The following TAF2 variants were observed in gnomAD, a reference collection of about 807,000 sequenced individuals.
TAF2 encodes the protein transcription initiation factor TFIID subunit 2.
In TAF2, 61 loss-of-function variants were observed where a neutral mutation model predicts 138.5. The ratio of observed to expected loss-of-function variants is 0.44; its 90% CI spans 0.36 to 0.54. The LOEUF is 0.54. Ranked by LOEUF, TAF2 falls within the 20% of genes least tolerant of loss-of-function variation. The probability of loss-of-function intolerance (pLI) is 0.00; values close to 1 mark genes in which losing one functional copy is unlikely to be tolerated. For missense variants in TAF2, 1,090 were observed against 1,427.9 expected (o/e 0.76, Z 3.81); for synonymous variants, 475 against 469.9 (o/e 1.01, Z -0.14).
At position 119,772,528 on chromosome 8, in the gene TAF2, C is replaced by G. The variant is rs1821916338; in HGVS notation, c.2364+5491G>C. On this transcript the variant is annotated intron_variant, in intron 18 of 25. Transcript: ENST00000378164. ...GGTTACTACTCGGGTAATGGGTACA[C>G]TAGAAGTCCAAACCCAACTGTTAGG... Among the ~76,000 whole-genome samples, 3 of 152,132 alleles carry G rather than the reference C, an allele frequency of 2.0e-5. No homozygotes were observed. The South Asian group carries it at 6.2e-4, about 31-fold the overall frequency.
chr8:119,791,420 A>ATG lies in TAF2; in HGVS notation c.1315_1316dup (p.Thr440IlefsTer18), dbSNP rs1296648916. 6.2e-7 allele frequency: 1 copy of ATG among 1,613,822 alleles called. No individual in the cohort carries two copies. ...TACTGTAGTATTCCCAGGACAGTGT[A>ATG]TGTGGATGCTTTATTGAAAAGTGTA... On this transcript the variant is annotated frameshift_variant, in exon 11 of 26. Transcript: ENST00000378164. LOFTEE classifies it high-confidence loss of function.
chr8:119,791,729 C>G (rs182406889), intron 10 of TAF2: 79 of 366,626 alleles, frequency 2.2e-4, no homozygotes, highest in Admixed American at 4.2e-4. Context: ...CCATTCTCCC[C>G]AAATCCATCA....
intron 25 of TAF2, among the ~76,000 whole-genome samples, chr8:119,741,247 T>C (rs1348241508): frequency 6.6e-6 from 1 of 152,230 alleles, no homozygotes; most frequent in African/African-American, 2.4e-5. Context: ...AAATGTATTC[T>C]GACTCTTTTT....
chr8:119,785,050 A>G (rs1822921115), intron 15 of TAF2, 151 bp downstream of exon 15: 1 of 618,416 alleles, frequency 1.6e-6, no homozygotes, highest in East Asian at 3.0e-5. Context: ...GATTTTACAT[A>G]AACTGTTTTA....
chr8:119,768,731 C>T (rs1026140564), intron 18 of TAF2, among the ~76,000 whole-genome samples: 2 of 152,222 alleles, frequency 1.3e-5, no homozygotes, highest in African/African-American at 2.4e-5. Context: ...TGACACCCAC[C>T]TGCATGTGCC....
At chr8:119,791,695 G>A (rs1823441024) in intron 10 of TAF2, 1 of 447,992 alleles carries the variant, frequency 2.2e-6, no homozygotes, top group Non-Finnish European at 4.1e-6. Flanking sequence ...TCCTAGATGG[G>A]AAGATACAAT....
chr8:119,812,318 C>T (rs999933648), intron 3 of TAF2, among the ~76,000 whole-genome samples: 1 of 148,352 alleles, frequency 6.7e-6, no homozygotes. Flanking sequence ...AATGTGATTG[C>T]TGCCTCATTT....
intron 3 of TAF2, among the ~76,000 whole-genome samples, chr8:119,809,261 C>T (rs1470599280): frequency 6.6e-6 from 1 of 152,174 alleles, no homozygotes; most frequent in Non-Finnish European, 1.5e-5. Flanking sequence ...CCTCATGAAC[C>T]AGCCTCTCTT....
At chr8:119,761,427 CTGT>C (rs1480243690) in intron 19 of TAF2, among the ~76,000 whole-genome samples, 10 of 152,104 alleles carry the variant, frequency 6.6e-5, no homozygotes, top group Admixed American at 5.9e-4. Context: ...GAACATATCC[CTGT>C]TGTTAAGTGA....
At chr8:119,747,800 A>G (rs1050986050) in intron 22 of TAF2, among the ~76,000 whole-genome samples, 1 of 152,158 alleles carries the variant, frequency 6.6e-6, no homozygotes, top group Non-Finnish European at 1.5e-5. Flanking sequence ...ACAAATGAAC[A>G]GAAGAAAAGT....
chr8:119,765,666 G>T (rs1821372145), intron 18 of TAF2, among the ~76,000 whole-genome samples: 1 of 152,124 alleles, frequency 6.6e-6, no homozygotes, highest in South Asian at 2.1e-4. Context: ...TTTTTTTAAG[G>T]AGGAAAGAAA....
In TAF2 at chr8:119,788,771, A is replaced by G; in HGVS notation, c.1683+19T>C. 1 of 1,576,080 alleles carries G rather than the reference A, an allele frequency of 6.3e-7. No homozygotes were observed. The highest frequency in any genetic ancestry group is 8.7e-7 in the Non-Finnish European group (1 of 1,145,446). The stretch of plus-strand genomic sequence containing the variant: ...CTGAGGAGATAGCAGTACAAAGGCG[A>G]TTTTGGAAAAAGACTTACCACGTAT... On this transcript the variant is annotated intron_variant, in intron 13 of 25. Transcript: ENST00000378164.
chr8:119,797,175 T>C (rs973488091), intron 7 of TAF2, 72 bp from the exon 8 acceptor site: 17 of 1,117,692 alleles, frequency 1.5e-5, no homozygotes, highest in Non-Finnish European at 1.9e-5. Flanking sequence ...ATAAAATAAT[T>C]CCACTTTTAA....
chr8:119,799,601 G>C (rs1180353995), intron 6 of TAF2, among the ~76,000 whole-genome samples: 1 of 152,160 alleles, frequency 6.6e-6, no homozygotes, highest in Non-Finnish European at 1.5e-5. Context: ...GAATAGTGCT[G>C]CAATAAACAC....
chr8:119,770,275 C>T (rs1457898510), intron 18 of TAF2, among the ~76,000 whole-genome samples: 1 of 151,872 alleles, frequency 6.6e-6, no homozygotes, highest in East Asian at 1.9e-4. Flanking sequence ...GATAATGATA[C>T]AAGACAAACC....
At chr8:119,780,089 T>C (rs1822534695) in intron 17 of TAF2, among the ~76,000 whole-genome samples, 1 of 152,144 alleles carries the variant, frequency 6.6e-6, no homozygotes. Context: ...TCATTAGTTC[T>C]CTCTACTTCA....
chr8:119,734,907 CA>C (rs1365949273), intron 25 of TAF2, among the ~76,000 whole-genome samples: 1 of 152,166 alleles, frequency 6.6e-6, no homozygotes, highest in Non-Finnish European at 1.5e-5. Context: ...AATAAGGAAA[CA>C]AAGAACATCT....
intron 3 of TAF2, among the ~76,000 whole-genome samples, chr8:119,808,169 TCTC>T (rs1337378881): frequency 6.6e-6 from 1 of 152,126 alleles, no homozygotes; most frequent in Non-Finnish European, 1.5e-5. Context: ...TGAAAAGACT[TCTC>T]AATATATTTT....
chr8:119,785,133 G>A (rs1304842350), intron 15 of TAF2, 68 bp downstream of exon 15: 12 of 1,256,218 alleles, frequency 9.6e-6, no homozygotes, highest in Middle Eastern at 1.9e-4. Flanking sequence ...TTTTACGTAC[G>A]CATAACAAAG....
Sources: allele counts gnomAD v4.1 joint callset (sites outside exome capture counted in the v4.1 genomes callset), GRCh38; gene constraint gnomAD v4.1.1; transcripts MANE v1.5; gene names NCBI Gene and HGNC (gene_info 2026-07-23, HGNC 2026-07-21).